PPP2R5A: variants seen among roughly 807,000 people sequenced by gnomAD.
PPP2R5A encodes protein phosphatase 2 regulatory subunit B'alpha.
PPP2R5A carries 25 observed loss-of-function variants against 64.2 expected under a neutral mutation model. The observed-to-expected ratio is 0.39, with a 90% confidence interval of 0.28 to 0.54. The LOEUF (loss-of-function observed/expected upper bound fraction) is 0.54. Ranked by LOEUF, PPP2R5A falls within the 20% of genes least tolerant of loss-of-function variation. The probability of loss-of-function intolerance (pLI) is 0.67; values close to 1 mark genes in which losing one functional copy is unlikely to be tolerated. For synonymous variants in PPP2R5A, 198 were observed against 201.2 expected (o/e 0.98, Z 0.13); for missense variants, 425 against 576.3 (o/e 0.74, Z 2.69).
At chr1:212,357,316 TC>T in intron 11 of PPP2R5A, 32 bp downstream of exon 11, 8 of 1,484,660 alleles carry the variant, frequency 5.4e-6, no homozygotes, top group South Asian at 4.0e-5. Context: ...CGTATTTTTT[TC>T]TTTTTTTTTT....
At chr1:212,327,707 C>T (rs1558148617) in intron 1 of PPP2R5A, among the ~76,000 whole-genome samples, 1 of 152,170 alleles carries the variant, frequency 6.6e-6, no homozygotes, top group Non-Finnish European at 1.5e-5. Flanking sequence ...AGCCACCACA[C>T]CGGCCCATTT....
chr1:212,358,503 G>A, intron 11 of PPP2R5A, 183 bp from the exon 12 acceptor site: 1 of 420,082 alleles, frequency 2.4e-6, no homozygotes, highest in Non-Finnish European at 4.3e-6. Flanking sequence ...TTCTTAGACT[G>A]TCTCTACCAC....
chr1:212,307,876 G>A (rs1387266353), intron 1 of PPP2R5A, among the ~76,000 whole-genome samples: 2 of 152,092 alleles, frequency 1.3e-5, no homozygotes, highest in East Asian at 1.9e-4. Flanking sequence ...ATACGGTCTC[G>A]CTCTAGTGCC....
intron 1 of PPP2R5A, chr1:212,302,236 CTGTATTGTATT>C: frequency 1.3e-6 from 1 of 764,072 alleles, no homozygotes; most frequent in Non-Finnish European, 2.0e-6. Context: ...AATTATCTTA[CTGTATTGTATT>C]AAAAATTCGG....
chr1:212,347,702 A>G (rs991095039), intron 6 of PPP2R5A, among the ~76,000 whole-genome samples: 2 of 151,770 alleles, frequency 1.3e-5, no homozygotes, highest in Admixed American at 6.6e-5. Context: ...ACCACACCCA[A>G]CGAATTTTTT....
At chr1:212,295,026 A>G (rs796162400) in intron 1 of PPP2R5A, among the ~76,000 whole-genome samples, 3 of 152,260 alleles carry the variant, frequency 2.0e-5, no homozygotes, top group African/African-American at 7.2e-5. Flanking sequence ...GTTACATTCT[A>G]TATCTCTGTG....
At chr1:212,352,512 C>G (rs368971891) in intron 8 of PPP2R5A, among the ~76,000 whole-genome samples, 1 of 151,488 alleles carries the variant, frequency 6.6e-6, no homozygotes, top group African/African-American at 2.4e-5. Context: ...TGCAGTAGTA[C>G]GATTGTGGCT....
intron 12 of PPP2R5A, 52 bp from the exon 13 acceptor site, chr1:212,360,586 T>C: frequency 7.0e-7 from 1 of 1,437,470 alleles, no homozygotes; most frequent in Non-Finnish European, 9.4e-7. Flanking sequence ...ACAGCACCTC[T>C]CTTTGGGTTC....
intron 1 of PPP2R5A, among the ~76,000 whole-genome samples, chr1:212,305,278 C>G (rs376182953): frequency 6.6e-6 from 1 of 151,988 alleles, no homozygotes; most frequent in African/African-American, 2.4e-5. Context: ...CCTTGTGATC[C>G]TCCCAAAGTG....
At chr1:212,352,259 G>C (rs764926047) in intron 8 of PPP2R5A, among the ~76,000 whole-genome samples, 1 of 151,780 alleles carries the variant, frequency 6.6e-6, no homozygotes, top group South Asian at 2.1e-4. Flanking sequence ...AAACTCCTAA[G>C]ATCAGGCAGT....
intron 3 of PPP2R5A, among the ~76,000 whole-genome samples, chr1:212,336,911 G>C (rs1659601627): frequency 6.6e-6 from 1 of 152,168 alleles, no homozygotes; most frequent in African/African-American, 2.4e-5. Flanking sequence ...ATAAACATTA[G>C]TTGTTAATGA....
rs1659462378 is a variant in PPP2R5A, at chr1:212,329,409, T to G, written c.378+78T>G. ...TATAATAATGAATTGAGACTGATTTTAAATAAATGTACAATAATTAATACA... is the reference window on the plus strand; with the variant it reads ...TATAATAATGAATTGAGACTGATTTGAAATAAATGTACAATAATTAATACA... On this transcript the variant is annotated intron_variant, in intron 2 of 12. Transcript: ENST00000261461. 4 of 1,213,040 alleles carry G rather than the reference T, an allele frequency of 3.3e-6. No homozygotes were observed. The South Asian group carries it at 7.2e-5, about 22-fold the overall frequency. The allele number at this position is 1,213,040 out of a possible 1,614,324, so 75.1% of individuals were successfully genotyped here.
rs1048494330 is a variant in PPP2R5A at position 212,321,372 on chromosome 1, C to A, written c.182-7763C>A. Reference sequence around the variant, plus strand: ...GGCGGCTGGCCGGGCGGGGGGCTGACCCCCACCTCCCTCCCAGACGGGGTG... The same window carrying A: ...GGCGGCTGGCCGGGCGGGGGGCTGAACCCCACCTCCCTCCCAGACGGGGTG... On this transcript the variant is annotated intron_variant, in intron 1 of 12. Transcript: ENST00000261461. Among the ~76,000 whole-genome samples, 3 of 148,036 alleles carry A rather than the reference C, an allele frequency of 2.0e-5. No homozygotes were observed. The East Asian group carries it at 6.0e-4, about 30-fold the overall frequency.
chr1:212,302,094 T>C (rs1178978562), intron 1 of PPP2R5A: 1 of 1,513,792 alleles, frequency 6.6e-7, no homozygotes, highest in Non-Finnish European at 8.9e-7. Flanking sequence ...TGATAATGAG[T>C]ATGTATATTA....
intron 1 of PPP2R5A, among the ~76,000 whole-genome samples, chr1:212,296,624 C>T (rs757487559): frequency 6.6e-6 from 1 of 152,100 alleles, no homozygotes; most frequent in Non-Finnish European, 1.5e-5. Flanking sequence ...GACAAGTTGC[C>T]TGAATAAGGT....
chr1:212,361,385 T>C lies in PPP2R5A; in HGVS notation c.*615T>C, dbSNP rs1265045140. ...AAAAGCTGGGAAAGTAAACCAAAAT[T>C]CTTCAGATTGTTCCTCATGAATATC... On this transcript the variant is annotated 3_prime_UTR_variant, in exon 13 of 13. Coordinates refer to ENST00000261461, the MANE Select transcript of PPP2R5A (RefSeq NM_006243.4). 4 of 152,614 alleles carry C rather than the reference T, an allele frequency of 2.6e-5. No homozygotes were observed. Among genetic ancestry groups the C allele is most frequent in the African/African-American group, 9.7e-5 (4 of 41,434 alleles). The allele number at this position is 152,614 out of a possible 1,614,324, so 9.5% of individuals were successfully genotyped here.
At chr1:212,332,664 C>T (rs1017760797) in intron 2 of PPP2R5A, among the ~76,000 whole-genome samples, 2 of 152,114 alleles carry the variant, frequency 1.3e-5, no homozygotes, top group African/African-American at 4.8e-5. Flanking sequence ...TGAAGGCATT[C>T]TACCCTCACT....
intron 1 of PPP2R5A, among the ~76,000 whole-genome samples, chr1:212,321,099 C>T (rs1659276885): frequency 7.8e-6 from 1 of 128,706 alleles, no homozygotes; most frequent in Admixed American, 7.3e-5. Context: ...GACGGGGCGG[C>T]TGGCCGGGCA....
chr1:212,343,113 G>A (rs1471445983), intron 4 of PPP2R5A, among the ~76,000 whole-genome samples: 16 of 144,550 alleles, frequency 1.1e-4, no homozygotes, highest in Non-Finnish European at 6.2e-5. Flanking sequence ...ATGCCCGGCT[G>A]ATTTTTTTTT....
Sources: allele counts gnomAD v4.1 joint callset (sites outside exome capture counted in the v4.1 genomes callset), GRCh38; gene constraint gnomAD v4.1.1; transcripts MANE v1.5; gene names NCBI Gene and HGNC (gene_info 2026-07-23, HGNC 2026-07-21).